The following ABLIM1 variants were observed in gnomAD, a reference collection of about 807,000 sequenced individuals.
ABLIM1 encodes actin binding LIM protein 1, also known as actin-binding LIM protein 1.
In ABLIM1, 40 loss-of-function variants were observed where a neutral mutation model predicts 107.0. That is an observed-to-expected ratio of 0.37 (90% CI 0.29 to 0.49). ABLIM1 has a LOEUF of 0.49. Among genes scored for constraint, ABLIM1 ranks in the 20% least tolerant of loss-of-function variants. ABLIM1 has a pLI of 0.97. For missense variants in ABLIM1, 857 were observed against 1,008.5 expected (o/e 0.85, Z 2.04); for synonymous variants, 357 against 357.3 (o/e 1.00, Z 0.01).
At chr10:114,534,911 G>T (rs1178895959) in intron 6 of ABLIM1, among the ~76,000 whole-genome samples, 2 of 152,168 alleles carry the variant, frequency 1.3e-5, no homozygotes, top group African/African-American at 2.4e-5. Flanking sequence ...AATCTTTACT[G>T]CATGGGAATG....
rs868585372 is a variant in ABLIM1, at chr10:114,716,443, A to C, written c.-213+51618T>G. Among the ~76,000 whole-genome samples the C allele has an allele frequency of 4.5e-4, 67 of 148,278 alleles. 1 individual carries two copies. The highest frequency in any genetic ancestry group is 7.0e-3 in the Middle Eastern group (2 of 284). Reference sequence around the variant, plus strand: ...CACACACACACACACACACACACACACCCCTCCCCACAGCCTCAAAGAGAA... The same window carrying C: ...CACACACACACACACACACACACACCCCCCTCCCCACAGCCTCAAAGAGAA... On this transcript the variant is annotated intron_variant, in intron 1 of 15. Transcript: ENST00000651092.
Position 114,710,971 on chromosome 10 carries a change from A to G in ABLIM1, c.-213+57090T>C, listed in dbSNP as rs191538736. 6.6e-5 allele frequency among the ~76,000 whole-genome samples: 10 copies of G among 152,238 alleles called. No individual in the cohort carries two copies. In the East Asian group the frequency reaches 1.9e-3, roughly 29 times the overall value. On this transcript the variant is annotated intron_variant, in intron 1 of 15. Transcript: ENST00000651092. ...ATCCCAAAGACATCTGATGGGTTCC[A>G]CTCAAAGATGACCTATAAGCTCATG...
At chr10:114,646,445 G>A (rs1010850155) in intron 1 of ABLIM1, among the ~76,000 whole-genome samples, 1 of 152,198 alleles carries the variant, frequency 6.6e-6, no homozygotes, top group Non-Finnish European at 1.5e-5. Flanking sequence ...AATATGCGAA[G>A]TATCACCTTC....
chr10:114,682,233 C>G (rs11196868), intron 1 of ABLIM1, among the ~76,000 whole-genome samples: 7,779 of 152,224 alleles, frequency 0.051, 247 homozygotes, highest in Middle Eastern at 0.088. Flanking sequence ...CTAAGTATAT[C>G]CTTTAGAGCA....
At chr10:114,448,383 A>G (rs979031593) in intron 14 of ABLIM1, among the ~76,000 whole-genome samples, 1 of 152,190 alleles carries the variant, frequency 6.6e-6, no homozygotes, top group African/African-American at 2.4e-5. Flanking sequence ...GTCACATGTG[A>G]TTAGTGCCTA....
chr10:114,630,390 C>A (rs950482019), intron 1 of ABLIM1, among the ~76,000 whole-genome samples: 1 of 152,078 alleles, frequency 6.6e-6, no homozygotes, highest in Non-Finnish European at 1.5e-5. Flanking sequence ...CCTGGAAGCA[C>A]CCCCAAAAGA....
At chr10:114,699,561 C>T (rs1033227849) in intron 1 of ABLIM1, among the ~76,000 whole-genome samples, 3 of 151,956 alleles carry the variant, frequency 2.0e-5, no homozygotes, top group Middle Eastern at 3.2e-3. Context: ...TGATAATGTC[C>T]TCATTCTACC....
chr10:114,450,435 CTTTT>C (rs1194089510), intron 14 of ABLIM1, among the ~76,000 whole-genome samples: 20 of 94,310 alleles, frequency 2.1e-4, no homozygotes, highest in African/African-American at 8.4e-4. Flanking sequence ...TTCTTTCTTT[CTTTT>C]TTTTTTTTTT....
intron 1 of ABLIM1, among the ~76,000 whole-genome samples, chr10:114,701,169 C>CTAA (rs2081301109): frequency 2.0e-5 from 3 of 152,036 alleles, no homozygotes; most frequent in Non-Finnish European, 4.4e-5. Context: ...ATGCAAATGA[C>CTAA]CATTATCCAC....
intron 1 of ABLIM1, among the ~76,000 whole-genome samples, chr10:114,737,858 C>T (rs1300799344): frequency 6.6e-6 from 1 of 152,142 alleles, no homozygotes; most frequent in African/African-American, 2.4e-5. Flanking sequence ...AGTTCAGCCT[C>T]AGAACCACTC....
intron 1 of ABLIM1, among the ~76,000 whole-genome samples, chr10:114,608,086 C>T (rs569812481): frequency 1.4e-4 from 21 of 152,286 alleles, no homozygotes; most frequent in African/African-American, 3.6e-4. Context: ...GCTTATAGGC[C>T]GGGCACCTTG....
At chr10:114,535,703 T>C (rs1306233830) in intron 6 of ABLIM1, among the ~76,000 whole-genome samples, 3 of 152,276 alleles carry the variant, frequency 2.0e-5, no homozygotes, top group African/African-American at 7.2e-5. Flanking sequence ...GTATGTGAAA[T>C]TGAGAGATAA....
Position 114,468,211 on chromosome 10 carries a change from C to G in ABLIM1, c.1281G>C (p.Pro427=), listed in dbSNP as rs376850020. Residue 427 remains proline, a synonymous_variant, in exon 11 of 23, where the codon CCG becomes CCC. Transcript: ENST00000533213. ...CTGATGGAGTAGGAGACAAAGTCCT[C>G]GGAGACTAGAAAAATAAAAGAGAAT... ...KQERQSLGES[P]RTLSPTPSAE... 3.1e-6 allele frequency: 5 copies of G among 1,612,526 alleles called. No individual in the cohort carries two copies. In the Admixed American group the frequency reaches 5.0e-5, roughly 16 times the overall value.
At chr10:114,609,534 G>A (rs868198895) in intron 1 of ABLIM1, among the ~76,000 whole-genome samples, 3 of 152,090 alleles carry the variant, frequency 2.0e-5, no homozygotes, top group African/African-American at 7.2e-5. Flanking sequence ...CATAATCCTG[G>A]CCCTACAAAA....
At chr10:114,529,317 G>T (rs2065208031) in intron 6 of ABLIM1, among the ~76,000 whole-genome samples, 1 of 151,948 alleles carries the variant, frequency 6.6e-6, no homozygotes, top group Non-Finnish European at 1.5e-5. Context: ...TAGAGATGGG[G>T]TTTCACCGTG....
intron 6 of ABLIM1, among the ~76,000 whole-genome samples, chr10:114,539,129 G>C (rs891429537): frequency 1.3e-5 from 2 of 152,196 alleles, no homozygotes; most frequent in African/African-American, 4.8e-5. Context: ...AGGCCAAGGC[G>C]GGCAGATCAC....
At chr10:114,730,514 G>A (rs1425946747) in intron 1 of ABLIM1, among the ~76,000 whole-genome samples, 1 of 150,700 alleles carries the variant, frequency 6.6e-6, no homozygotes, top group East Asian at 2.0e-4. Context: ...GATGGATTAT[G>A]TAACTGATCC....
chr10:114,619,625 G>T lies in ABLIM1; in HGVS notation c.245-17664C>A, dbSNP rs77931020. 6.6e-6 allele frequency among the ~76,000 whole-genome samples: 1 copy of T among 152,152 alleles called. No individual in the cohort carries two copies. The highest frequency in any genetic ancestry group is 6.6e-5 in the Admixed American group (1 of 15,266). Reference sequence around the variant, plus strand: ...GGGACGATGCATGGCAGATAGTCCTGGTCCTGATCTTGCTCCTCCCTCCCT... The same window carrying T: ...GGGACGATGCATGGCAGATAGTCCTTGTCCTGATCTTGCTCCTCCCTCCCT... On this transcript the variant is annotated intron_variant, in intron 1 of 22. Coordinates refer to ENST00000533213, the MANE Select transcript of ABLIM1 (RefSeq NM_002313.7). This position sits in a 1 kb window ranked among gnomAD's most constrained non-coding sequence, Gnocchi z 4.1.
intron 1 of ABLIM1, among the ~76,000 whole-genome samples, chr10:114,637,927 A>G (rs1452914256): frequency 6.6e-6 from 1 of 152,202 alleles, no homozygotes; most frequent in Non-Finnish European, 1.5e-5. Flanking sequence ...AAATCCAGTT[A>G]TTGGGATATA....
Sources: allele counts gnomAD v4.1 joint callset (sites outside exome capture counted in the v4.1 genomes callset), GRCh38; gene constraint gnomAD v4.1.1; non-coding constraint Gnocchi (gnomAD v3.1); transcripts MANE v1.5; gene names NCBI Gene and HGNC (gene_info 2026-07-23, HGNC 2026-07-21).